Variants in COL5A2 observed in about 807,000 individuals in gnomAD.
The protein encoded by COL5A2 is collagen alpha-2(V) chain.
In COL5A2, 23 loss-of-function variants were observed where a neutral mutation model predicts 208.2. The ratio of observed to expected loss-of-function variants is 0.11; its 90% CI spans 0.08 to 0.16. The LOEUF is 0.16. Among genes scored for constraint, COL5A2 ranks in the 10% least tolerant of loss-of-function variants. The pLI, the probability that COL5A2 is intolerant of heterozygous loss-of-function variation, is 1.00. For missense variants in COL5A2, 1,590 were observed against 1,956.4 expected, an observed-to-expected ratio of 0.81 and a Z score of 3.53; for synonymous variants, 625 against 628.5, an observed-to-expected ratio of 0.99 and a Z score of 0.08.
the COL5A2 span, among the ~76,000 whole-genome samples, chr2:189,241,538 A>T: frequency 0.026 from 3,933 of 152,252 alleles, 178 homozygotes; most frequent in African/African-American, 0.09. Context: ...CAAAATAAAT[A>T]AAAAAATTAG....
At chr2:189,380,480 C>T in the COL5A2 span, among the ~76,000 whole-genome samples, 1 of 151,654 alleles carries the variant, frequency 6.6e-6, no homozygotes. Context: ...ACAGATTTGC[C>T]TGTTGGGTCC....
intron 1 of COL5A2, among the ~76,000 whole-genome samples, chr2:189,188,168 G>A (rs1380465489): frequency 6.6e-6 from 1 of 152,046 alleles, no homozygotes. Flanking sequence ...TTTAGCAAAT[G>A]TATACAATGT....
chr2:189,283,692 A>G, the COL5A2 span, among the ~76,000 whole-genome samples: 1 of 152,164 alleles, frequency 6.6e-6, no homozygotes, highest in Non-Finnish European at 1.5e-5. Flanking sequence ...TAAAACATCA[A>G]TACTGGTTCA....
the COL5A2 span, among the ~76,000 whole-genome samples, chr2:189,356,884 G>C: frequency 2.0e-5 from 3 of 152,108 alleles, no homozygotes; most frequent in East Asian, 5.8e-4. Flanking sequence ...ATCTACCTTT[G>C]GTCTTTGATG....
the COL5A2 span, among the ~76,000 whole-genome samples, chr2:189,259,479 C>T: frequency 5.0e-4 from 76 of 152,030 alleles, no homozygotes; most frequent in African/African-American, 1.8e-3. Context: ...TAGACTTATC[C>T]CTTTTGTAAG....
the COL5A2 span, among the ~76,000 whole-genome samples, chr2:189,332,291 C>G: frequency 3.3e-5 from 5 of 152,152 alleles, no homozygotes; most frequent in Non-Finnish European, 5.9e-5. Flanking sequence ...ACCAACTTGA[C>G]CTACTCGGCA....
At chr2:189,248,889 T>C in the COL5A2 span, among the ~76,000 whole-genome samples, 1 of 152,164 alleles carries the variant, frequency 6.6e-6, no homozygotes, top group Non-Finnish European at 1.5e-5. Context: ...ATTAATATAA[T>C]TTTAAAGTAT....
chr2:189,402,379 A>G, the COL5A2 span, among the ~76,000 whole-genome samples: 1 of 151,986 alleles, frequency 6.6e-6, no homozygotes, highest in African/African-American at 2.4e-5. Flanking sequence ...CACCACACCC[A>G]GTTAATTTTT....
At chr2:189,363,203 T>C in the COL5A2 span, among the ~76,000 whole-genome samples, 1 of 152,124 alleles carries the variant, frequency 6.6e-6, no homozygotes, top group East Asian at 1.9e-4. Context: ...TGCTCTCAAA[T>C]ACAATTAGTA....
At chr2:189,238,885 G>C in the COL5A2 span, among the ~76,000 whole-genome samples, 1 of 151,754 alleles carries the variant, frequency 6.6e-6, no homozygotes, top group African/African-American at 2.4e-5. Flanking sequence ...ATTTGGGTGG[G>C]GACTCAAAGA....
the COL5A2 span, among the ~76,000 whole-genome samples, chr2:189,231,891 T>C: frequency 6.6e-6 from 1 of 151,712 alleles, no homozygotes; most frequent in East Asian, 1.9e-4. Flanking sequence ...CAGATCTTCC[T>C]GGGAAAGCTG....
Position 189,092,387 on chromosome 2 carries a change from G to C in COL5A2, c.490C>G (p.Pro164Ala), listed in dbSNP as rs1218677057. The C allele has an allele frequency of 1.0e-5, 16 of 1,606,380 alleles. No individual in the cohort carries two copies. Among genetic ancestry groups the C allele is most frequent in the Non-Finnish European group, 1.2e-5 (14 of 1,176,248 alleles). ...GCACCAGGTTGACCAGGAACACCTG[G>C]TTCTCCATCAATTCCCTGAGGTCCA... ...PRGPQGIDGEPGVPGQPGAPG... is the reference protein window; with the variant it reads ...PRGPQGIDGEAGVPGQPGAPG... The change falls in exon 7 of 54, where the codon CCA becomes GCA. Residue 164 changes from proline (P) to alanine (A), a missense_variant. Transcript: ENST00000374866.
At chr2:189,272,442 A>G in the COL5A2 span, among the ~76,000 whole-genome samples, 6 of 152,112 alleles carry the variant, frequency 3.9e-5, no homozygotes, top group Admixed American at 2.6e-4. Flanking sequence ...GTTCTTACTC[A>G]TAGGTAGGAG....
chr2:189,192,319 C>T (rs1394103074), intron 1 of COL5A2, among the ~76,000 whole-genome samples: 1 of 151,912 alleles, frequency 6.6e-6, no homozygotes, highest in African/African-American at 2.4e-5. Flanking sequence ...TCATTAAGAA[C>T]CTGAAGTGTG....
Position 189,174,861 on chromosome 2 carries a change from A to G in COL5A2, c.97+4647T>C, listed in dbSNP as rs2105823931. Among the ~76,000 whole-genome samples the G allele has an allele frequency of 2.0e-5, 3 of 152,354 alleles. No individual in the cohort carries two copies. In the Middle Eastern group the frequency reaches 0.01, roughly 518 times the overall value. On this transcript the variant is annotated intron_variant, in intron 1 of 53. Transcript: ENST00000374866. The stretch of plus-strand genomic sequence containing the variant: ...ATGTAGAAAGAGATATACTCTTCAA[A>G]CTAAAGCTTCAGTTTAGTTTGAATA...
At chr2:189,431,353 C>T in the COL5A2 span, among the ~76,000 whole-genome samples, 103 of 152,128 alleles carry the variant, frequency 6.8e-4, no homozygotes, top group Admixed American at 3.0e-3. Flanking sequence ...TTTGATGAGT[C>T]GACAAAAGTA....
the COL5A2 span, among the ~76,000 whole-genome samples, chr2:189,267,453 A>C: frequency 6.6e-6 from 1 of 152,200 alleles, no homozygotes; most frequent in African/African-American, 2.4e-5. Flanking sequence ...ACACATACAA[A>C]TGAAAAGGAA....
chr2:189,266,967 ATAT>A, the COL5A2 span, among the ~76,000 whole-genome samples: 2 of 151,386 alleles, frequency 1.3e-5, no homozygotes, highest in African/African-American at 4.8e-5. Context: ...ATGAAAATAA[ATAT>A]TATATTAAAA....
intron 1 of COL5A2, among the ~76,000 whole-genome samples, chr2:189,214,644 T>C (rs548828933): frequency 2.0e-5 from 3 of 152,252 alleles, no homozygotes; most frequent in East Asian, 1.9e-4. Flanking sequence ...TTAAAAGTGA[T>C]TTCTTCCTTT....
Sources: gnomAD v4.1 joint callset for allele counts (sites outside exome capture counted in the v4.1 genomes callset) on GRCh38, gnomAD v4.1.1 for gene constraint, MANE v1.5 for transcripts, NCBI Gene and HGNC (gene_info 2026-07-23, HGNC 2026-07-21) for gene names.